The following PPP2R3C variants were observed in gnomAD, a reference collection of about 807,000 sequenced individuals.
The protein encoded by PPP2R3C is protein phosphatase 2 regulatory subunit B''gamma.
PPP2R3C carries 47 observed loss-of-function variants against 63.7 expected under a neutral mutation model. That is an observed-to-expected ratio of 0.74 (90% CI 0.58 to 0.94). The LOEUF (loss-of-function observed/expected upper bound fraction) is 0.94. PPP2R3C is among the 40% of genes least tolerant of loss of function. The probability of loss-of-function intolerance (pLI) is 0.00; values close to 1 mark genes in which losing one functional copy is unlikely to be tolerated. For missense variants in PPP2R3C, 421 were observed against 518.4 expected, an observed-to-expected ratio of 0.81 and a Z score of 1.82; for synonymous variants, 180 against 177.4, an observed-to-expected ratio of 1.01 and a Z score of -0.12.
intron 2 of PPP2R3C, 119 bp downstream of exon 2, chr14:35,116,491 G>T: frequency 1.4e-6 from 1 of 709,366 alleles, no homozygotes. Context: ...CTGGACTCAA[G>T]TGATCCTCCC....
At chr14:35,115,903 A>G (rs1460878649) in intron 2 of PPP2R3C, among the ~76,000 whole-genome samples, 1 of 152,070 alleles carries the variant, frequency 6.6e-6, no homozygotes, top group African/African-American at 2.4e-5. Flanking sequence ...GATTACAGGC[A>G]TGAGCCACCA....
chr14:35,107,405 C>T, intron 5 of PPP2R3C, 31 bp from the exon 6 acceptor site: 1 of 1,509,236 alleles, frequency 6.6e-7, no homozygotes, highest in East Asian at 2.3e-5. Context: ...GAAAGTAATT[C>T]TTAAGATCTA....
intron 11 of PPP2R3C, among the ~76,000 whole-genome samples, chr14:35,088,803 T>C (rs771971803): frequency 2.6e-5 from 4 of 152,198 alleles, no homozygotes; most frequent in Admixed American, 2.0e-4. Context: ...CCCAGGATTA[T>C]AGGGCTCAGC....
At chr14:35,114,445 C>CA (rs2046650818) in intron 2 of PPP2R3C, among the ~76,000 whole-genome samples, 1 of 152,098 alleles carries the variant, frequency 6.6e-6, no homozygotes, top group African/African-American at 2.4e-5. Context: ...CTGGATAACT[C>CA]ACTTATATAA....
At chr14:35,087,005 CAATT>C (rs1324733362) in intron 12 of PPP2R3C, 5 of 152,076 alleles carry the variant, frequency 3.3e-5, no homozygotes, top group Admixed American at 6.6e-5. Flanking sequence ...CCGTTCAACT[CAATT>C]AAACATCTAA....
At chr14:35,115,004 C>A (rs2046667384) in intron 2 of PPP2R3C, among the ~76,000 whole-genome samples, 3 of 151,092 alleles carry the variant, frequency 2.0e-5, no homozygotes, top group Admixed American at 6.6e-5. Context: ...AAAAAAAAAA[C>A]AAAAAGATGG....
intron 9 of PPP2R3C, among the ~76,000 whole-genome samples, chr14:35,095,561 C>T (rs1367943345): frequency 3.3e-5 from 5 of 151,776 alleles, no homozygotes; most frequent in Admixed American, 6.6e-5. Flanking sequence ...AAAAGGAGGT[C>T]GGGCGTGGTG....
intron 5 of PPP2R3C, chr14:35,107,815 C>CT: frequency 6.5e-6 from 2 of 309,826 alleles, no homozygotes; most frequent in Non-Finnish European, 1.1e-5. Flanking sequence ...GGGTTTGAAA[C>CT]TATCAGTCAA....
rs927051992 is a variant in PPP2R3C at position 35,099,282 on chromosome 14, A to G, written c.676T>C (p.Phe226Leu). Residue 226 changes from phenylalanine (F) to leucine (L), a missense_variant, in exon 7 of 13, where the codon TTC becomes CTC. Transcript: ENST00000261475. ...CTTAAAGGATCTAAAAAGAAGAAGAACTTCCTAACTGCTGTACAAACATAA... is the reference window on the plus strand; with the variant it reads ...CTTAAAGGATCTAAAAAGAAGAAGAGCTTCCTAACTGCTGTACAAACATAA... Reference protein sequence around the residue: ...SFYVCTAVRKFFFFLDPLRTG... With the variant: ...SFYVCTAVRKLFFFLDPLRTG... The G allele has an allele frequency of 6.3e-7, 1 of 1,594,748 alleles. No individual in the cohort carries two copies. Among genetic ancestry groups the G allele is most frequent in the Non-Finnish European group, 8.5e-7 (1 of 1,175,208 alleles).
chr14:35,121,627 G>A (rs756320164), intron 1 of PPP2R3C, among the ~76,000 whole-genome samples: 8 of 152,228 alleles, frequency 5.3e-5, no homozygotes, highest in South Asian at 2.1e-4. Flanking sequence ...GGCGTTGTTG[G>A]AGCCGGGGTT....
chr14:35,107,881 A>G, intron 5 of PPP2R3C: 1 of 433,968 alleles, frequency 2.3e-6, no homozygotes, highest in Non-Finnish European at 4.0e-6. Flanking sequence ...AATTATTTCA[A>G]ATTACCATAC....
chr14:35,087,671 A>G, intron 12 of PPP2R3C: 1 of 351,450 alleles, frequency 2.8e-6, no homozygotes, highest in South Asian at 2.9e-5. Context: ...ACGTGCTGGG[A>G]TTACAAGCAT....
chr14:35,094,480 T>TA (rs149818775), intron 10 of PPP2R3C, among the ~76,000 whole-genome samples: 123 of 147,474 alleles, frequency 8.3e-4, no homozygotes, highest in East Asian at 3.5e-3. Context: ...CAGCTTTTTT[T>TA]TAAAAAAAAA....
chr14:35,094,983 A>G (rs2045948192), intron 10 of PPP2R3C, 65 bp downstream of exon 10: 3 of 1,508,948 alleles, frequency 2.0e-6, no homozygotes, highest in South Asian at 1.2e-5. Flanking sequence ...TACATCAAGA[A>G]AAGGGTTTGT....
intron 11 of PPP2R3C, among the ~76,000 whole-genome samples, chr14:35,090,144 T>G (rs1447956784): frequency 1.3e-5 from 2 of 152,042 alleles, no homozygotes; most frequent in Non-Finnish European, 2.9e-5. Context: ...TGTGATAAAT[T>G]CTATACTTGT....
intron 11 of PPP2R3C, among the ~76,000 whole-genome samples, chr14:35,089,286 A>T (rs533269670): frequency 6.6e-6 from 1 of 152,096 alleles, no homozygotes; most frequent in East Asian, 1.9e-4. Flanking sequence ...ATTTTTTTGT[A>T]GAGATGGAGT....
At chr14:35,114,525 A>G (rs773522401) in intron 2 of PPP2R3C, among the ~76,000 whole-genome samples, 34 of 152,242 alleles carry the variant, frequency 2.2e-4, no homozygotes, top group Non-Finnish European at 4.0e-4. Flanking sequence ...TGTAATTAAT[A>G]GAGTTAGAAG....
At chr14:35,107,142 CT>C (rs1410147572) in intron 6 of PPP2R3C, among the ~76,000 whole-genome samples, 161 bp downstream of exon 6, 4 of 152,094 alleles carry the variant, frequency 2.6e-5, no homozygotes, top group African/African-American at 9.7e-5. Context: ...GTACAAGTTG[CT>C]TTGTTACAGT....
At chr14:35,121,568 C>G (rs920794996) in intron 1 of PPP2R3C, among the ~76,000 whole-genome samples, 4 of 152,110 alleles carry the variant, frequency 2.6e-5, no homozygotes, top group African/African-American at 9.7e-5. Context: ...AAGCAAAAAG[C>G]GTGACAGTAA....
Sources: allele counts gnomAD v4.1 joint callset (sites outside exome capture counted in the v4.1 genomes callset), GRCh38; gene constraint gnomAD v4.1.1; transcripts MANE v1.5; gene names NCBI Gene and HGNC (gene_info 2026-07-23, HGNC 2026-07-21).